SLC25A25: variants seen among roughly 807,000 people sequenced by gnomAD.
SLC25A25 encodes solute carrier family 25 member 25, also known as mitochondrial adenyl nucleotide antiporter SLC25A25.
SLC25A25 carries 32 observed loss-of-function variants against 57.7 expected under a neutral mutation model. That is an observed-to-expected ratio of 0.55 (90% CI 0.42 to 0.74). The LOEUF (loss-of-function observed/expected upper bound fraction) is 0.74. Among genes scored for constraint, SLC25A25 ranks in the 30% least tolerant of loss-of-function variants. SLC25A25 has a pLI of 0.00. For missense variants in SLC25A25, 556 were observed against 701.3 expected, an observed-to-expected ratio of 0.79 and a Z score of 2.34; for synonymous variants, 306 against 291.2, an observed-to-expected ratio of 1.05 and a Z score of -0.52.
At position 128,094,673 on chromosome 9, in the gene SLC25A25, A is replaced by C. The variant is rs201051160; in HGVS notation, c.262-6423A>C. On this transcript the variant is annotated intron_variant, in intron 1 of 10. Transcript: ENST00000373069. ...GAGGAACTTTCTGACCTAATGCTAC[A>C]CTCCCAGAGGCACTGTACCTGCCCT... is the stretch of plus-strand genomic sequence containing the variant. Among the ~76,000 whole-genome samples, 127 of 151,944 alleles carry C rather than the reference A, an allele frequency of 8.4e-4. 1 individual carries two copies. The East Asian group carries it at 0.017, about 21-fold the overall frequency.
chr9:128,102,821 C>T lies in SLC25A25; in HGVS notation c.624+340C>T, dbSNP rs1356433452. Among the ~76,000 whole-genome samples the T allele has an allele frequency of 6.6e-6, 1 of 152,176 alleles. No individual in the cohort carries two copies. The highest frequency in any genetic ancestry group is 1.5e-5 in the Non-Finnish European group (1 of 68,030). On this transcript the variant is annotated intron_variant, in intron 5 of 10. Transcript: ENST00000373069. The surrounding 1 kb of genome is among the most constrained non-coding windows in gnomAD (Gnocchi z 4.1). Reference sequence around the variant, plus strand: ...TCTCCCAAAGCTGGTATGAGCCTTCCCCCCGGTGGGAGGGGGCTGGGGCAG... The same window carrying T: ...TCTCCCAAAGCTGGTATGAGCCTTCTCCCCGGTGGGAGGGGGCTGGGGCAG...
At chr9:128,105,586 C>T (rs1452681719) in intron 6 of SLC25A25, 143 bp from the exon 7 acceptor site, 12 of 1,253,368 alleles carry the variant, frequency 9.6e-6, no homozygotes, top group Admixed American at 2.0e-5. Context: ...ACTTTGGGCT[C>T]ATGATTCCAA....
At chr9:128,105,368 A>C (rs1174545393) in intron 6 of SLC25A25, among the ~76,000 whole-genome samples, 1 of 151,336 alleles carries the variant, frequency 6.6e-6, no homozygotes, top group Non-Finnish European at 1.5e-5. Flanking sequence ...ACGGGGTTTC[A>C]CCATGTTGGC....
In SLC25A25 at chr9:128,103,897, G is replaced by C; in HGVS notation, c.783+58G>C. ...GGCCAGTTTCCACCTGGGGGATGCT[G>C]CTTGGCTAGTTTTCCCTTTCTCTGG... is the stretch of plus-strand genomic sequence containing the variant. On this transcript the variant is annotated intron_variant, in intron 6 of 10. Coordinates refer to ENST00000373069, the MANE Select transcript of SLC25A25 (RefSeq NM_001330988.2). The surrounding 1 kb of genome is among the most constrained non-coding windows in gnomAD (Gnocchi z 6.7). 2 of 1,471,174 alleles carry C rather than the reference G, an allele frequency of 1.4e-6. No homozygotes were observed. The highest frequency in any genetic ancestry group is 1.8e-6 in the Non-Finnish European group (2 of 1,111,472). 91.1% of individuals were successfully genotyped at this position (1,471,174 alleles called of 1,614,324 possible). A position where few individuals can be genotyped will look rare whatever the true frequency, so the allele number is the denominator to read the frequency against.
chr9:128,084,625 T>A (rs988452947), intron 1 of SLC25A25, among the ~76,000 whole-genome samples: 1 of 152,178 alleles, frequency 6.6e-6, no homozygotes, highest in Admixed American at 6.5e-5. Flanking sequence ...ATGTATTGAC[T>A]GATGTCTTCT....
At chr9:128,081,087 C>A (rs1466106734) in intron 1 of SLC25A25, among the ~76,000 whole-genome samples, 2 of 152,168 alleles carry the variant, frequency 1.3e-5, no homozygotes, top group Admixed American at 6.5e-5. Flanking sequence ...GTAGATAGTT[C>A]TATAGCTAAA....
At position 128,107,254 on chromosome 9, in the gene SLC25A25, C is replaced by G. The variant is rs758083407; in HGVS notation, c.1364-6C>G. 6.2e-7 allele frequency: 1 copy of G among 1,607,422 alleles called. No homozygotes were observed. The highest frequency in any genetic ancestry group is 8.5e-7 in the Non-Finnish European group (1 of 1,175,538). On this transcript the variant is annotated splice_polypyrimidine_tract_variant and splice_region_variant and intron_variant, in intron 10 of 10. Transcript: ENST00000373069. ...AAGCATCTGACTGGTGGCCTCCATC[C>G]TGCAGCCTCTATTGAGGGCGCTCCG... is the stretch of plus-strand genomic sequence containing the variant.
chr9:128,074,209 T>G (rs921174655), intron 1 of SLC25A25, among the ~76,000 whole-genome samples: 1 of 151,690 alleles, frequency 6.6e-6, no homozygotes, highest in African/African-American at 2.4e-5. Flanking sequence ...CAGGCTAACT[T>G]TTTTGTATTT....
Position 128,107,964 on chromosome 9 carries a change from G to T in SLC25A25, c.*520G>T, listed in dbSNP as rs948293154. On this transcript the variant is annotated 3_prime_UTR_variant, in exon 11 of 11. Coordinates refer to ENST00000373069, the MANE Select transcript of SLC25A25 (RefSeq NM_001330988.2). The stretch of plus-strand genomic sequence containing the variant: ...AAGGTGAGGTCACGTGGCCTCCCAG[G>T]CCTGACTTCCCAACCTACAGCATTG... The T allele has an allele frequency of 2.5e-6, 1 of 399,074 alleles. No individual in the cohort carries two copies. The highest frequency in any genetic ancestry group is 3.6e-5 in the East Asian group (1 of 28,082). The allele number at this position is 399,074 out of a possible 1,614,324, so 24.7% of individuals were successfully genotyped here.
intron 1 of SLC25A25, among the ~76,000 whole-genome samples, chr9:128,078,765 G>C (rs1833074593): frequency 6.6e-6 from 1 of 152,188 alleles, no homozygotes; most frequent in Non-Finnish European, 1.5e-5. Context: ...TGGGACTAAG[G>C]CTCGGAGGCT....
Position 128,081,002 on chromosome 9 carries a change from G to A in SLC25A25, c.261+12422G>A, listed in dbSNP as rs564853603. The stretch of plus-strand genomic sequence containing the variant: ...TAACTTTTTTCCTTTTTTCATTCAC[G>A]ACTTGGGTGTATTTTTTGTTTGCCA... On this transcript the variant is annotated intron_variant, in intron 1 of 10. Transcript: ENST00000373069. Among the ~76,000 whole-genome samples, 192 of 152,232 alleles carry A rather than the reference G, an allele frequency of 1.3e-3. 2 individuals are homozygous for A. Among genetic ancestry groups the A allele is most frequent in the African/African-American group, 4.4e-3 (184 of 41,534 alleles).
intron 1 of SLC25A25, among the ~76,000 whole-genome samples, chr9:128,076,925 C>T (rs999029345): frequency 1.3e-5 from 2 of 152,140 alleles, no homozygotes; most frequent in South Asian, 2.1e-4. Context: ...GATGGTCATC[C>T]GCCCTTTCTA....
In SLC25A25 at chr9:128,099,030, C is replaced by T. The variant is rs1393728106; in HGVS notation, c.262-2066C>T. On this transcript the variant is annotated intron_variant, in intron 1 of 10. Coordinates refer to ENST00000373069, the MANE Select transcript of SLC25A25 (RefSeq NM_001330988.2). This position sits in a 1 kb window ranked among gnomAD's most constrained non-coding sequence, Gnocchi z 6.8. ...TGAGAAGTACAGAGCCAGAAAGGGACCTGGGGGGCAGGCCAGTAGTGCATG... is the reference window on the plus strand; with the variant it reads ...TGAGAAGTACAGAGCCAGAAAGGGATCTGGGGGGCAGGCCAGTAGTGCATG... The T allele has an allele frequency of 4.1e-6, 4 of 985,328 alleles. No homozygotes were observed. The East Asian group carries it at 3.4e-4, about 84-fold the overall frequency. The allele number at this position is 985,328 out of a possible 1,614,324, so 61.0% of individuals were successfully genotyped here. A position where few individuals can be genotyped will look rare whatever the true frequency, so the allele number is the denominator to read the frequency against.
chr9:128,091,796 C>T, intron 1 of SLC25A25: 4 of 1,513,154 alleles, frequency 2.6e-6, no homozygotes, highest in Non-Finnish European at 3.5e-6. Flanking sequence ...GCTGTGTAGC[C>T]AGAGAGCGTT....
chr9:128,107,437 C>T lies in SLC25A25; in HGVS notation c.1541C>T (p.Ser514Leu). ...CTGAAGATCACCCTGGGCGTGCAGT[C>T]GCGGTGACGGGGGGAGGGCCGCCCG... ...ENLKITLGVQ[S>L]R The change falls in exon 11 of 11, where the codon TCG becomes TTG. Residue 514 changes from serine (S) to leucine (L), a missense_variant. Transcript: ENST00000373069. 1 of 1,505,574 alleles carries T rather than the reference C, an allele frequency of 6.6e-7. No homozygotes were observed. Among genetic ancestry groups the T allele is most frequent in the Non-Finnish European group, 8.9e-7 (1 of 1,126,388 alleles). 93.3% of individuals were successfully genotyped at this position (1,505,574 alleles called of 1,614,324 possible). A position where few individuals can be genotyped will look rare whatever the true frequency, so the allele number is the denominator to read the frequency against.
At chr9:128,098,937 C>T (rs1008705493) in intron 1 of SLC25A25, 27 of 985,262 alleles carry the variant, frequency 2.7e-5, no homozygotes, top group Non-Finnish European at 3.1e-5. Flanking sequence ...GGAATTCCAG[C>T]GAAGGCTGTT....
In SLC25A25 at chr9:128,107,274, G is replaced by C; in HGVS notation, c.1378G>C (p.Ala460Pro). 1 of 1,592,354 alleles carries C rather than the reference G, an allele frequency of 6.3e-7. No homozygotes were observed. The highest frequency in any genetic ancestry group is 8.6e-7 in the Non-Finnish European group (1 of 1,164,916). Residue 460 changes from alanine to proline, a missense_variant, in exon 11 of 11, where the codon GCT becomes CCT. Coordinates refer to ENST00000373069, the MANE Select transcript of SLC25A25 (RefSeq NM_001330988.2). ...RMQAQASIEGAPEVTMSSLFK... is the reference protein window; with the variant it reads ...RMQAQASIEGPPEVTMSSLFK... ...CCATCCTGCAGCCTCTATTGAGGGC[G>C]CTCCGGAGGTGACCATGAGCAGCCT...
chr9:128,085,578 A>G (rs1833257218), intron 1 of SLC25A25, among the ~76,000 whole-genome samples: 1 of 152,164 alleles, frequency 6.6e-6, no homozygotes, highest in African/African-American at 2.4e-5. Flanking sequence ...TAAATAAGGC[A>G]TGATCGCTAA....
chr9:128,098,194 A>AG (rs1385423543), intron 1 of SLC25A25: 2 of 175,556 alleles, frequency 1.1e-5, no homozygotes, highest in African/African-American at 4.7e-5. Context: ...GTTCATCTGA[A>AG]GGGGTTGGCA....
Sources: gnomAD v4.1 joint callset for allele counts (sites outside exome capture counted in the v4.1 genomes callset) on GRCh38, gnomAD v4.1.1 for gene constraint, Gnocchi (gnomAD v3.1) non-coding constraint, MANE v1.5 for transcripts, NCBI Gene and HGNC (gene_info 2026-07-23, HGNC 2026-07-21) for gene names.